ERN1: variants seen among roughly 807,000 people sequenced by gnomAD.
ERN1 encodes endoplasmic reticulum to nucleus signaling 1.
A neutral mutation model predicts 113.1 loss-of-function variants in ERN1; 39 were observed. The observed-to-expected ratio is 0.34, with a 90% CI of 0.27 to 0.45. The LOEUF (loss-of-function observed/expected upper bound fraction) is 0.45, where lower values mean the gene tolerates loss of function less well. Ranked by LOEUF, ERN1 falls within the 20% of genes least tolerant of loss-of-function variation. ERN1 has a pLI of 1.00. For missense variants in ERN1, 976 were observed against 1,274.8 expected (o/e 0.77, Z 3.57); for synonymous variants, 507 against 515.9 (o/e 0.98, Z 0.23).
At position 64,121,549 on chromosome 17, in the gene ERN1, G is replaced by GCC. The variant is rs1344238897; in HGVS notation, c.54+8426_54+8427insGG. Among the ~76,000 whole-genome samples, 5 of 152,192 alleles carry GCC rather than the reference G, an allele frequency of 3.3e-5. No individual in the cohort carries two copies. The East Asian group carries it at 7.7e-4, about 23-fold the overall frequency. ...CTGTTGCCCAGGCTGGAGTGCAATG[G>GCC]CAGGATCTCAGCTCACTGCAACCTC... On this transcript the variant is annotated intron_variant, in intron 1 of 21. Coordinates refer to ENST00000433197, the MANE Select transcript of ERN1 (RefSeq NM_001433.5).
chr17:64,121,150 T>C (rs1391336490), intron 1 of ERN1, among the ~76,000 whole-genome samples: 4 of 152,246 alleles, frequency 2.6e-5, no homozygotes, highest in African/African-American at 9.6e-5. Context: ...AATCCCTCCA[T>C]TGTGGTTTAA....
intron 1 of ERN1, among the ~76,000 whole-genome samples, chr17:64,119,375 G>GGTT (rs200116698): frequency 0.015 from 1,680 of 109,094 alleles, 140 homozygotes; most frequent in Middle Eastern, 0.032. Flanking sequence ...TTTTTTTCTA[G>GGTT]GTTTTTTTTT....
intron 2 of ERN1, among the ~76,000 whole-genome samples, chr17:64,082,966 G>A (rs1277911806): frequency 6.6e-6 from 1 of 152,168 alleles, no homozygotes; most frequent in Non-Finnish European, 1.5e-5. Context: ...CTTCAAAGCT[G>A]CAGCCCAGGT....
At chr17:64,070,879 T>C (rs1913392161) in intron 6 of ERN1, among the ~76,000 whole-genome samples, 1 of 152,228 alleles carries the variant, frequency 6.6e-6, no homozygotes, top group African/African-American at 2.4e-5. Flanking sequence ...GGCAGGTCTC[T>C]GCAATAATGG....
At chr17:64,104,934 C>T (rs531282566) in intron 1 of ERN1, among the ~76,000 whole-genome samples, 1 of 152,152 alleles carries the variant, frequency 6.6e-6, no homozygotes, top group South Asian at 2.1e-4. Context: ...TTCCAGTGAT[C>T]TATACTTAAC....
chr17:64,096,900 T>C (rs1914245850), intron 2 of ERN1, among the ~76,000 whole-genome samples: 1 of 152,216 alleles, frequency 6.6e-6, no homozygotes, highest in African/African-American at 2.4e-5. Flanking sequence ...CTGGGAACAA[T>C]GAAACTGAAA....
At position 64,055,810 on chromosome 17, in the gene ERN1, T is replaced by C. The variant is rs1424464897; in HGVS notation, c.1537A>G (p.Thr513Ala). Residue 513 changes from threonine (T) to alanine (A), a missense_variant, in exon 13 of 22, where the codon ACG (threonine) becomes GCG (alanine). Coordinates refer to ENST00000433197, the MANE Select transcript of ERN1 (RefSeq NM_001433.5). ...GAGCTCTCTGAGTACGGGCCAGACG[T>C]GTCCAGGAGCTCGCCGTCCTGAGCC... ...DTAQDGELLDTSGPYSESSGT... is the reference protein window; with the variant it reads ...DTAQDGELLDASGPYSESSGT... 3 of 1,578,880 alleles carry C rather than the reference T, an allele frequency of 1.9e-6. No individual in the cohort carries two copies. Among genetic ancestry groups the C allele is most frequent in the Non-Finnish European group, 1.7e-6 (2 of 1,162,668 alleles).
chr17:64,045,913 C>T (rs776120599), intron 19 of ERN1, among the ~76,000 whole-genome samples: 3 of 152,178 alleles, frequency 2.0e-5, no homozygotes, highest in Non-Finnish European at 4.4e-5. Context: ...GGTGGAGGGT[C>T]GCCACTCTTC....
chr17:64,065,635 A>G (rs1439815910), intron 8 of ERN1, among the ~76,000 whole-genome samples: 2 of 152,034 alleles, frequency 1.3e-5, no homozygotes, highest in African/African-American at 4.8e-5. Context: ...GGCCCCTCAG[A>G]TGACTCTCTA....
At position 64,126,768 on chromosome 17, in the gene ERN1, AATG is replaced by A. The variant is rs1915091629; in HGVS notation, c.54+3205_54+3207del. ...AATGCAGGTGATCACTGTCAGAATA[AATG>A]ATAAGCAAAGACATTGCTAGTTAAG... On this transcript the variant is annotated intron_variant, in intron 1 of 21. Transcript: ENST00000433197. Among the ~76,000 whole-genome samples the A allele has an allele frequency of 2.0e-5, 3 of 152,098 alleles. No homozygotes were observed. The South Asian group carries it at 6.2e-4, about 32-fold the overall frequency.
In ERN1 at chr17:64,094,968, T is replaced by C. The variant is rs117109573; in HGVS notation, c.175+3153A>G. ...TTATCATTTATCTATATTTAACAAT[T>C]TAGAAAAATGTTGAAATCTTCAGTT... On this transcript the variant is annotated intron_variant, in intron 2 of 21. Coordinates refer to ENST00000433197, the MANE Select transcript of ERN1 (RefSeq NM_001433.5). Among the ~76,000 whole-genome samples the C allele has an allele frequency of 5.8e-4, 88 of 152,268 alleles. No homozygotes were observed. In the East Asian group the frequency reaches 0.015, roughly 25 times the overall value.
At chr17:64,067,064 G>A (rs1913252750) in intron 7 of ERN1, 132 bp from the exon 8 acceptor site, 2 of 951,882 alleles carry the variant, frequency 2.1e-6, no homozygotes, top group Non-Finnish European at 3.1e-6. Flanking sequence ...GATCTCCTCT[G>A]AGCAATTTCA....
At chr17:64,074,978 G>T in intron 5 of ERN1, 197 bp downstream of exon 5, 1 of 581,588 alleles carries the variant, frequency 1.7e-6, no homozygotes. Context: ...TATTAATGAT[G>T]TCAATTCTTC....
chr17:64,064,492 G>A (rs1465881090), intron 9 of ERN1, among the ~76,000 whole-genome samples: 1 of 152,180 alleles, frequency 6.6e-6, no homozygotes, highest in African/African-American at 2.4e-5. Context: ...GCAACCAATG[G>A]GGCGGAATAA....
chr17:64,098,140 G>C lies in ERN1; in HGVS notation c.156C>G (p.Ile52Met), dbSNP rs1437037646. 3 of 1,613,818 alleles carry C rather than the reference G, an allele frequency of 1.9e-6. No individual in the cohort carries two copies. The highest frequency in any genetic ancestry group is 1.7e-5 in the Admixed American group (1 of 60,004). ...AATTACCTTCTTTTAAAGTCCATTT[G>C]ATTGAGCCTGTCCTCTTGCTGACAG... ...LHAVSKRTGS[I>M]KWTLKEDPVL... The change falls in exon 2 of 22, where the codon ATC (isoleucine) becomes ATG (methionine). Residue 52 changes from isoleucine to methionine, a missense_variant. By Grantham distance (10) the Ile-to-Met change is conservative (BLOSUM62 1). Around this residue, in one of 5 missense-constraint regions of ERN1, gnomAD observed 459 missense variants for 581.2 expected, o/e 0.79. Transcript: ENST00000433197.
chr17:64,097,977 C>T (rs1914274611), intron 2 of ERN1, 144 bp downstream of exon 2: 1 of 1,061,260 alleles, frequency 9.4e-7, no homozygotes, highest in Non-Finnish European at 1.4e-6. Context: ...GAGCAGAATG[C>T]CTTTTCCTCT....
intron 1 of ERN1, among the ~76,000 whole-genome samples, chr17:64,113,155 T>C (rs1292205266): frequency 6.6e-6 from 1 of 152,200 alleles, no homozygotes; most frequent in Non-Finnish European, 1.5e-5. Context: ...TGCGGCATCA[T>C]GCAGTGACCT....
intron 12 of ERN1, 132 bp from the exon 13 acceptor site, chr17:64,056,080 A>AG: frequency 7.3e-7 from 1 of 1,375,910 alleles, no homozygotes; most frequent in South Asian, 1.5e-5. Context: ...CAAAGAGACC[A>AG]GTGAGAAGGC....
At chr17:64,065,894 C>T (rs1913207442) in intron 8 of ERN1, among the ~76,000 whole-genome samples, 2 of 152,092 alleles carry the variant, frequency 1.3e-5, no homozygotes, top group East Asian at 1.9e-4. Flanking sequence ...AGCTACACCT[C>T]CTGGCCCTTC....
Sources: gnomAD v4.1 joint callset for allele counts (sites outside exome capture counted in the v4.1 genomes callset) on GRCh38, gnomAD v4.1.1 for gene constraint, gnomAD v4.1.1 regional missense constraint, MANE v1.5 for transcripts, NCBI Gene and HGNC (gene_info 2026-07-23, HGNC 2026-07-21) for gene names.